The following DYNC1I1 variants were observed in gnomAD, a reference collection of about 807,000 sequenced individuals.
DYNC1I1 encodes dynein cytoplasmic 1 intermediate chain 1, also known as cytoplasmic dynein 1 intermediate chain 1.
DYNC1I1 carries 43 observed loss-of-function variants against 86.6 expected under a neutral mutation model. The ratio of observed to expected loss-of-function variants is 0.50; its 90% CI spans 0.39 to 0.64. The LOEUF is 0.64. Ranked by LOEUF, DYNC1I1 falls within the 30% of genes least tolerant of loss-of-function variation. DYNC1I1 has a pLI of 0.00. For missense variants in DYNC1I1, 604 were observed against 788.8 expected (o/e 0.77, Z 2.81); for synonymous variants, 262 against 283.7 (o/e 0.92, Z 0.77).
chr7:95,833,993 A>C, intron 5 of DYNC1I1, among the ~76,000 whole-genome samples: 1 of 83,950 alleles, frequency 1.2e-5, no homozygotes, highest in Non-Finnish European at 2.2e-5. Context: ...CCTGGCCAGA[A>C]CTTCCAACAC....
At chr7:96,068,128 A>T (rs1220316062) in intron 14 of DYNC1I1, among the ~76,000 whole-genome samples, 1 of 152,122 alleles carries the variant, frequency 6.6e-6, no homozygotes, top group East Asian at 1.9e-4. Context: ...TTAATACTAG[A>T]CTATTTTCCC....
intron 7 of DYNC1I1, among the ~76,000 whole-genome samples, chr7:95,982,384 C>A: frequency 6.6e-6 from 1 of 152,152 alleles, no homozygotes. Flanking sequence ...TAGTGCTCCA[C>A]CTACCTGAAC....
At chr7:95,782,127 A>T (rs147424695) in intron 1 of DYNC1I1, among the ~76,000 whole-genome samples, 136 of 152,322 alleles carry the variant, frequency 8.9e-4, no homozygotes, top group African/African-American at 3.2e-3. Context: ...GGTAAATTGC[A>T]TACTGCATAT....
intron 14 of DYNC1I1, among the ~76,000 whole-genome samples, chr7:96,043,057 G>A (rs1383500777): frequency 1.3e-5 from 2 of 151,448 alleles, no homozygotes; most frequent in Admixed American, 6.6e-5. Context: ...CTGCTAGGGA[G>A]GCTCGGGAGG....
At position 96,097,672 on chromosome 7, in the gene DYNC1I1, G is replaced by A. The variant is rs764385113; in HGVS notation, c.*79G>A. On this transcript the variant is annotated 3_prime_UTR_variant, in exon 17 of 17. Coordinates refer to ENST00000447467, the MANE Select transcript of DYNC1I1 (RefSeq NM_001135556.2). ...GTCTGCAGTCAAGTCTCTTGTATTC[G>A]GTGTCCATTCAGTATCAGTATTGCT... 1.5e-5 allele frequency: 23 copies of A among 1,579,324 alleles called. No individual in the cohort carries two copies. Among genetic ancestry groups the A allele is most frequent in the Admixed American group, 3.6e-5 (2 of 55,266 alleles).
intron 14 of DYNC1I1, among the ~76,000 whole-genome samples, chr7:96,054,465 T>C (rs1363027152): frequency 6.6e-6 from 1 of 152,248 alleles, no homozygotes; most frequent in Non-Finnish European, 1.5e-5. Context: ...ATGTGTCTTA[T>C]AGTAGAATGA....
intron 4 of DYNC1I1, among the ~76,000 whole-genome samples, chr7:95,827,156 C>T (rs34159725): frequency 0.096 from 14,532 of 152,144 alleles, 735 homozygotes; most frequent in South Asian, 0.14. Context: ...TTAAACAGCA[C>T]GCTCAATGTC....
chr7:95,811,107 G>C (rs904405717), intron 3 of DYNC1I1, among the ~76,000 whole-genome samples: 3 of 152,028 alleles, frequency 2.0e-5, no homozygotes, highest in African/African-American at 7.3e-5. Flanking sequence ...ATTCCTAGTT[G>C]GTTGTCTGTG....
At chr7:95,852,965 C>A (rs1313373092) in intron 5 of DYNC1I1, among the ~76,000 whole-genome samples, 1 of 151,910 alleles carries the variant, frequency 6.6e-6, no homozygotes, top group Non-Finnish European at 1.5e-5. Flanking sequence ...CGTTGTGTTT[C>A]CATTTTTGTT....
chr7:95,785,792 T>TATATATA (rs1794124948), intron 1 of DYNC1I1, among the ~76,000 whole-genome samples: 2 of 116,696 alleles, frequency 1.7e-5, no homozygotes. Flanking sequence ...TATATATATA[T>TATATATA]ATATATATAT....
intron 12 of DYNC1I1, among the ~76,000 whole-genome samples, chr7:96,034,315 A>C (rs991376779): frequency 6.6e-6 from 1 of 152,194 alleles, no homozygotes; most frequent in Non-Finnish European, 1.5e-5. Flanking sequence ...TGAAGATTAT[A>C]AACAGACATA....
At chr7:95,875,061 T>C (rs1790273154) in intron 6 of DYNC1I1, among the ~76,000 whole-genome samples, 1 of 152,110 alleles carries the variant, frequency 6.6e-6, no homozygotes, top group African/African-American at 2.4e-5. Flanking sequence ...CTCAAGGGAG[T>C]CCATTAGCCA....
At chr7:95,827,790 G>A (rs1795233949) in intron 4 of DYNC1I1, among the ~76,000 whole-genome samples, 1 of 152,132 alleles carries the variant, frequency 6.6e-6, no homozygotes, top group South Asian at 2.1e-4. Flanking sequence ...GGGTAGGGGT[G>A]TGTGTGGAGT....
At chr7:96,089,296 C>A (rs972808795) in intron 16 of DYNC1I1, among the ~76,000 whole-genome samples, 4 of 151,900 alleles carry the variant, frequency 2.6e-5, no homozygotes, top group African/African-American at 7.3e-5. Context: ...GGTTATTTGA[C>A]AATTGTCTAT....
intron 16 of DYNC1I1, among the ~76,000 whole-genome samples, chr7:96,107,112 T>C (rs866861319): frequency 1.3e-5 from 2 of 152,052 alleles, no homozygotes; most frequent in Non-Finnish European, 2.9e-5. Flanking sequence ...CTGAAACCTC[T>C]GCCTCCCAGG....
At chr7:95,819,679 T>C (rs1449472098) in intron 4 of DYNC1I1, among the ~76,000 whole-genome samples, 9 of 152,188 alleles carry the variant, frequency 5.9e-5, no homozygotes, top group Non-Finnish European at 5.9e-5. Context: ...AAAGTATCAT[T>C]ATATAAAGAG....
chr7:95,980,061 T>A (rs1793414423), intron 7 of DYNC1I1, among the ~76,000 whole-genome samples: 1 of 152,110 alleles, frequency 6.6e-6, no homozygotes, highest in East Asian at 1.9e-4. Flanking sequence ...AGCCCCAATC[T>A]CCAAGTCGTC....
chr7:95,899,885 G>C (rs139078642), intron 6 of DYNC1I1, among the ~76,000 whole-genome samples: 1 of 152,126 alleles, frequency 6.6e-6, no homozygotes, highest in Admixed American at 6.5e-5. Flanking sequence ...TTCTACCTCT[G>C]TATGTATCTC....
intron 6 of DYNC1I1, among the ~76,000 whole-genome samples, chr7:95,944,833 T>C (rs989773340): frequency 9.8e-5 from 13 of 132,166 alleles, no homozygotes; most frequent in Non-Finnish European, 2.0e-4. Flanking sequence ...TGAGGACACA[T>C]GGACACCGGA....
Sources: gnomAD v4.1 joint callset for allele counts (sites outside exome capture counted in the v4.1 genomes callset) on GRCh38, gnomAD v4.1.1 for gene constraint, MANE v1.5 for transcripts, NCBI Gene and HGNC (gene_info 2026-07-23, HGNC 2026-07-21) for gene names.